Variants in RYR2 observed in about 807,000 individuals in gnomAD.
RYR2 encodes cardiac muscle ryanodine receptor-calcium release channel.
In RYR2, 227 loss-of-function variants were observed where a neutral mutation model predicts 601.1. That is an observed-to-expected ratio of 0.38 (90% CI 0.34 to 0.42). The LOEUF is 0.42. RYR2 is among the 10% of genes least tolerant of loss of function. The pLI is 1.00. For missense variants in RYR2, 4,646 were observed against 6,156.5 expected (o/e 0.75, Z 8.21); for synonymous variants, 2,223 against 2,175.1 (o/e 1.02, Z -0.61).
chr1:237,751,256 A>T (rs1322722107), intron 80 of RYR2, among the ~76,000 whole-genome samples: 1 of 152,206 alleles, frequency 6.6e-6, no homozygotes, highest in Non-Finnish European at 1.5e-5. Context: ...GGCAGTATCC[A>T]GTGCTTTTTA....
chr1:237,505,349 A>C (rs1438542904), intron 22 of RYR2, among the ~76,000 whole-genome samples: 1 of 152,166 alleles, frequency 6.6e-6, no homozygotes, highest in Non-Finnish European at 1.5e-5. Context: ...TAGATATTCA[A>C]AGTTTGTTTC....
intron 10 of RYR2, among the ~76,000 whole-genome samples, chr1:237,395,532 T>C (rs1215972086): frequency 9.0e-6 from 1 of 111,482 alleles, no homozygotes; most frequent in Non-Finnish European, 1.7e-5. Flanking sequence ...AGTAGGACTG[T>C]CTTTTTTTTT....
chr1:237,783,193 G>C (rs1695266765), intron 89 of RYR2, among the ~76,000 whole-genome samples: 1 of 151,590 alleles, frequency 6.6e-6, no homozygotes, highest in Non-Finnish European at 1.5e-5. Flanking sequence ...AAGTCACAAT[G>C]GGCCCATTAA....
chr1:237,602,363 A>G (rs1340092775), intron 35 of RYR2, among the ~76,000 whole-genome samples: 1 of 152,178 alleles, frequency 6.6e-6, no homozygotes, highest in East Asian at 1.9e-4. Context: ...TGCCGAGATT[A>G]CACACATTGC....
chr1:237,525,751 C>T (rs960352483), intron 24 of RYR2, among the ~76,000 whole-genome samples: 7 of 151,900 alleles, frequency 4.6e-5, no homozygotes, highest in East Asian at 2.0e-4. Flanking sequence ...AGGCCAAGGC[C>T]GGTGAATCAC....
chr1:237,042,714 T>A, intron 1 of RYR2, 145 bp downstream of exon 1: 1 of 762,280 alleles, frequency 1.3e-6, no homozygotes, highest in Non-Finnish European at 1.8e-6. Flanking sequence ...GGAGCGGGCA[T>A]CACCAAGTGT....
In RYR2 at chr1:237,674,196, G is replaced by A; in HGVS notation, c.8691G>A (p.Gln2897=). The A allele has an allele frequency of 6.2e-7, 1 of 1,611,784 alleles. No homozygotes were observed. The highest frequency in any genetic ancestry group is 8.5e-7 in the Non-Finnish European group (1 of 1,178,048). Reference sequence around the variant, plus strand: ...CACAGGACATCCTCAAGTTCTTGCAGATCAATGGATATGCTGTATCCAGGT... The same window carrying A: ...CACAGGACATCCTCAAGTTCTTGCAAATCAATGGATATGCTGTATCCAGGT... ...EKAQDILKFL[Q]INGYAVSRGF... The change falls in exon 59 of 105, where the codon CAG becomes CAA. Residue 2897 remains glutamine, a synonymous_variant. Transcript: ENST00000366574.
chr1:237,490,238 C>CT (rs889204696), intron 17 of RYR2, among the ~76,000 whole-genome samples: 44 of 152,316 alleles, frequency 2.9e-4, no homozygotes, highest in African/African-American at 1.0e-3. Context: ...GCTTTGCTCA[C>CT]TACCTGGTTG....
At chr1:237,736,188 C>T (rs773041639) in intron 79 of RYR2, among the ~76,000 whole-genome samples, 21 of 152,022 alleles carry the variant, frequency 1.4e-4, no homozygotes, top group African/African-American at 2.9e-4. Flanking sequence ...GGGCTGGGCA[C>T]GGTGGCTCAC....
intron 63 of RYR2, among the ~76,000 whole-genome samples, chr1:237,694,305 A>G (rs992553414): frequency 1.1e-4 from 16 of 151,874 alleles, no homozygotes; most frequent in Non-Finnish European, 1.9e-4. Flanking sequence ...AAAAAAAAAA[A>G]AAAAAGAAAA....
At chr1:237,253,008 T>C (rs888512941) in intron 1 of RYR2, among the ~76,000 whole-genome samples, 1 of 151,590 alleles carries the variant, frequency 6.6e-6, no homozygotes, top group Non-Finnish European at 1.5e-5. Context: ...CTACTAAAAA[T>C]ACAAAAATGA....
intron 16 of RYR2, among the ~76,000 whole-genome samples, chr1:237,465,241 AT>A (rs139966876): frequency 0.19 from 29,493 of 151,996 alleles, 3,000 homozygotes; most frequent in Admixed American, 0.24. Flanking sequence ...TTCCTGATAT[AT>A]TTTTGTCTCT....
intron 17 of RYR2, among the ~76,000 whole-genome samples, chr1:237,486,642 A>G (rs1662719611): frequency 6.6e-6 from 1 of 152,210 alleles, no homozygotes; most frequent in East Asian, 1.9e-4. Context: ...TTGACTAAGT[A>G]TTGAGATTTA....
At chr1:237,082,558 A>T (rs10925305) in intron 1 of RYR2, among the ~76,000 whole-genome samples, 918 of 24,122 alleles carry the variant, frequency 0.038, 17 homozygotes, top group African/African-American at 0.042. Flanking sequence ...TATATATATA[A>T]AATCGGATAT....
intron 1 of RYR2, among the ~76,000 whole-genome samples, chr1:237,081,784 A>G (rs1027464604): frequency 1.3e-5 from 2 of 152,080 alleles, no homozygotes; most frequent in African/African-American, 4.8e-5. Context: ...GCCTAAAGAA[A>G]CAAAACCTTT....
chr1:237,435,495 T>C (rs1476022342), intron 12 of RYR2, among the ~76,000 whole-genome samples: 1 of 152,218 alleles, frequency 6.6e-6, no homozygotes, highest in East Asian at 1.9e-4. Flanking sequence ...TGGGATTAAA[T>C]TCAAAAGAAA....
chr1:237,773,680 C>T lies in RYR2; in HGVS notation c.11775+32C>T, dbSNP rs1433895799. 3 of 1,588,686 alleles carry T rather than the reference C, an allele frequency of 1.9e-6. No individual in the cohort carries two copies. The South Asian group carries it at 3.4e-5, about 18-fold the overall frequency. ...ATTTAAACATGGCTGCTATCTGTAGCACTGAACTCCATAGAAAAATGCAGT... is the reference window on the plus strand; with the variant it reads ...ATTTAAACATGGCTGCTATCTGTAGTACTGAACTCCATAGAAAAATGCAGT... On this transcript the variant is annotated intron_variant, in intron 87 of 104. Transcript: ENST00000366574.
At chr1:237,087,275 T>G (rs1483185831) in intron 1 of RYR2, among the ~76,000 whole-genome samples, 2 of 152,140 alleles carry the variant, frequency 1.3e-5, no homozygotes, top group African/African-American at 4.8e-5. Flanking sequence ...TTTTCGTGTG[T>G]GTTTGTAGCA....
chr1:237,811,623 A>T (rs1474367119), intron 100 of RYR2, among the ~76,000 whole-genome samples: 1 of 152,206 alleles, frequency 6.6e-6, no homozygotes, highest in Non-Finnish European at 1.5e-5. Flanking sequence ...TGACATAAAA[A>T]TATTCACTTT....
Sources: gnomAD v4.1 joint callset for allele counts (sites outside exome capture counted in the v4.1 genomes callset) on GRCh38, gnomAD v4.1.1 for gene constraint, MANE v1.5 for transcripts, NCBI Gene and HGNC (gene_info 2026-07-23, HGNC 2026-07-21) for gene names.